DNAH11: variants seen among roughly 807,000 people sequenced by gnomAD.
The protein encoded by DNAH11 is axonemal beta dynein heavy chain 11.
DNAH11 carries 442 observed loss-of-function variants against 526.0 expected under a neutral mutation model. That is an observed-to-expected ratio of 0.84 (90% CI 0.78 to 0.91). DNAH11 has a LOEUF of 0.91. Ranked by LOEUF, DNAH11 falls within the 40% of genes least tolerant of loss-of-function variation. DNAH11 has a pLI of 0.00. For synonymous variants in DNAH11, 2,461 were observed against 1,935.9 expected, an observed-to-expected ratio of 1.27 and a Z score of -7.12; for missense variants, 6,989 against 5,448.7, an observed-to-expected ratio of 1.28 and a Z score of -8.90.
At chr7:21,714,580 ATAAT>A (rs1339833372) in intron 42 of DNAH11, among the ~76,000 whole-genome samples, 7 of 152,324 alleles carry the variant, frequency 4.6e-5, no homozygotes, top group Non-Finnish European at 7.3e-5. Flanking sequence ...TGAGATAGAC[ATAAT>A]TATTAACCCA....
intron 60 of DNAH11, among the ~76,000 whole-genome samples, chr7:21,787,806 T>G (rs1302448059): frequency 6.6e-6 from 1 of 152,206 alleles, no homozygotes; most frequent in Non-Finnish European, 1.5e-5. Flanking sequence ...ATTGGCTCCT[T>G]TAGATTAAAG....
chr7:21,664,706 C>T (rs1204037678), intron 30 of DNAH11, among the ~76,000 whole-genome samples: 1 of 152,176 alleles, frequency 6.6e-6, no homozygotes, highest in African/African-American at 2.4e-5. Flanking sequence ...AGCAATCCTC[C>T]CACTCCAGTC....
chr7:21,790,616 A>G (rs1788440205), intron 61 of DNAH11, among the ~76,000 whole-genome samples: 1 of 152,230 alleles, frequency 6.6e-6, no homozygotes, highest in South Asian at 2.1e-4. Flanking sequence ...AAGAAATTAG[A>G]GGAAGTTCTT....
At chr7:21,864,350 C>A (rs1378510933) in intron 69 of DNAH11, among the ~76,000 whole-genome samples, 185 bp from the exon 70 acceptor site, 1 of 152,132 alleles carries the variant, frequency 6.6e-6, no homozygotes, top group Non-Finnish European at 1.5e-5. Flanking sequence ...GATTTCTGAT[C>A]ATGGTTTTGA....
rs771357828 is a variant in DNAH11, at chr7:21,590,993, A to G, written c.2245A>G (p.Ile749Val). The stretch of plus-strand genomic sequence containing the variant: ...AGACATACCAGATTCAGCTTTAGCC[A>G]TCTTCAAGAAAAGGAACACTATTTT... ...KQDIPDSALA[I>V]FKKRNTILKY... The change falls in exon 13 of 82, where the codon ATC becomes GTC. Residue 749 changes from isoleucine to valine, a missense_variant. Physicochemically the swap from Ile to Val is conservative, Grantham distance 29 (BLOSUM62 3). Coordinates refer to ENST00000409508, the MANE Select transcript of DNAH11 (RefSeq NM_001277115.2). 5.3e-6 allele frequency: 8 copies of G among 1,519,012 alleles called. No individual in the cohort carries two copies. In the African/African-American group the frequency reaches 1.0e-4, roughly 19 times the overall value. The allele number at this position is 1,519,012 out of a possible 1,614,324, so 94.1% of individuals were successfully genotyped here. A position where few individuals can be genotyped will look rare whatever the true frequency, so the allele number is the denominator to read the frequency against.
Position 21,791,795 on chromosome 7 carries a change from G to A in DNAH11, c.10026+2453G>A, listed in dbSNP as rs546369913. On this transcript the variant is annotated intron_variant, in intron 61 of 81. Transcript: ENST00000409508. ...AAAATCCATATGTAAGTGTGCCGCAGTCATGACTGGAGTTTGAGAGAAAAG... is the reference window on the plus strand; with the variant it reads ...AAAATCCATATGTAAGTGTGCCGCAATCATGACTGGAGTTTGAGAGAAAAG... Among the ~76,000 whole-genome samples, 3 of 152,300 alleles carry A rather than the reference G, an allele frequency of 2.0e-5. No homozygotes were observed. In the East Asian group the frequency reaches 5.8e-4, roughly 29 times the overall value.
chr7:21,586,326 A>G (rs1396789269), intron 9 of DNAH11, among the ~76,000 whole-genome samples: 12 of 152,218 alleles, frequency 7.9e-5, no homozygotes, highest in Admixed American at 6.5e-4. Flanking sequence ...ACATAAGGCA[A>G]TGTTTACTTC....
chr7:21,759,017 T>C (rs921346503), intron 54 of DNAH11, among the ~76,000 whole-genome samples: 1 of 152,194 alleles, frequency 6.6e-6, no homozygotes, highest in Non-Finnish European at 1.5e-5. Flanking sequence ...AGGCATCTGA[T>C]TTTCTTTAAA....
intron 65 of DNAH11, among the ~76,000 whole-genome samples, chr7:21,822,429 A>T (rs375289183): frequency 6.6e-6 from 1 of 152,102 alleles, no homozygotes; most frequent in Non-Finnish European, 1.5e-5. Flanking sequence ...TGCCCCCATG[A>T]CCCAAACATT....
chr7:21,674,049 TGTG>T, intron 30 of DNAH11, among the ~76,000 whole-genome samples: 1 of 151,664 alleles, frequency 6.6e-6, no homozygotes, highest in Non-Finnish European at 1.5e-5. Context: ...TGTGTGTGTG[TGTG>T]TGTGTGTGTG....
At chr7:21,627,469 G>C (rs918766035) in intron 25 of DNAH11, among the ~76,000 whole-genome samples, 3 of 152,166 alleles carry the variant, frequency 2.0e-5, no homozygotes, top group Non-Finnish European at 2.9e-5. Flanking sequence ...TTGAGGGATA[G>C]AAATCTAGTT....
chr7:21,581,787 TTCAC>T lies in DNAH11; in HGVS notation c.1594-114_1594-111del, dbSNP rs1484065176. The T allele has an allele frequency of 1.4e-5, 9 of 647,746 alleles. No homozygotes were observed. In the Admixed American group the frequency reaches 2.5e-4, roughly 18 times the overall value. 40.1% of individuals were successfully genotyped at this position (647,746 alleles called of 1,614,324 possible). ...GTAGAATGCTGCTATGAAAAATAAA[TTCAC>T]TCAGAGACAGAGAGCGAGCGAGAGA... On this transcript the variant is annotated intron_variant, in intron 8 of 81. Transcript: ENST00000409508.
intron 79 of DNAH11, among the ~76,000 whole-genome samples, chr7:21,895,522 A>AAT (rs1282801529): frequency 6.6e-6 from 1 of 152,182 alleles, no homozygotes; most frequent in Non-Finnish European, 1.5e-5. Context: ...CAGATTACTG[A>AAT]ATGTAATCTG....
chr7:21,703,450 C>T (rs1784141405), intron 37 of DNAH11: 1 of 152,302 alleles, frequency 6.6e-6, no homozygotes, highest in Non-Finnish European at 1.5e-5. Flanking sequence ...GTTCTACAGG[C>T]TTAACAGGAA....
chr7:21,552,902 A>G (rs1158717417), intron 2 of DNAH11, among the ~76,000 whole-genome samples: 1 of 152,110 alleles, frequency 6.6e-6, no homozygotes, highest in Non-Finnish European at 1.5e-5. Context: ...GGTCTGGACA[A>G]GTTGATACAT....
intron 46 of DNAH11, among the ~76,000 whole-genome samples, chr7:21,737,505 A>G (rs1785667688): frequency 6.6e-6 from 1 of 152,228 alleles, no homozygotes; most frequent in Admixed American, 6.5e-5. Flanking sequence ...GAAGCAAGGA[A>G]CTGACAAGGT....
At chr7:21,829,261 A>G (rs975340444) in intron 65 of DNAH11, among the ~76,000 whole-genome samples, 4 of 141,784 alleles carry the variant, frequency 2.8e-5, no homozygotes, top group Admixed American at 7.1e-5. Context: ...AGGCTATATT[A>G]TTTGCTTATC....
chr7:21,689,535 T>A (rs1239549469), intron 34 of DNAH11, among the ~76,000 whole-genome samples: 3 of 152,246 alleles, frequency 2.0e-5, no homozygotes, highest in African/African-American at 7.2e-5. Flanking sequence ...GGTCCACACC[T>A]TTGACTGTGG....
intron 65 of DNAH11, among the ~76,000 whole-genome samples, chr7:21,821,176 G>A (rs899521225): frequency 2.0e-5 from 3 of 152,192 alleles, no homozygotes; most frequent in Admixed American, 6.6e-5. Context: ...ATGGAGAGAT[G>A]TATATAGGAA....
Sources: gnomAD v4.1 joint callset for allele counts (sites outside exome capture counted in the v4.1 genomes callset) on GRCh38, gnomAD v4.1.1 for gene constraint, MANE v1.5 for transcripts, NCBI Gene and HGNC (gene_info 2026-07-23, HGNC 2026-07-21) for gene names.